Variants in GOT2 observed in about 807,000 individuals in gnomAD.
GOT2 encodes the protein aspartate aminotransferase, mitochondrial.
In GOT2, 17 loss-of-function variants were observed where a neutral mutation model predicts 50.0. The observed-to-expected ratio is 0.34, with a 90% CI of 0.23 to 0.51. GOT2 has a LOEUF of 0.51. GOT2 is among the 20% of genes least tolerant of loss of function. The pLI, the probability that GOT2 is intolerant of heterozygous loss-of-function variation, is 0.97. For missense variants in GOT2, 430 were observed against 559.6 expected (o/e 0.77, Z 2.34); for synonymous variants, 172 against 204.9 (o/e 0.84, Z 1.37).
intron 3 of GOT2, among the ~76,000 whole-genome samples, chr16:58,719,552 G>A (rs904493752): frequency 6.6e-5 from 10 of 152,316 alleles, no homozygotes; most frequent in Non-Finnish European, 8.8e-5. Flanking sequence ...GAGGTCAGGA[G>A]TTCGAGACCA....
chr16:58,724,737 C>T (rs185060450), intron 1 of GOT2, among the ~76,000 whole-genome samples: 14 of 152,174 alleles, frequency 9.2e-5, no homozygotes, highest in South Asian at 2.1e-4. Flanking sequence ...GACGGGGTTT[C>T]GCCATGTTGG....
At chr16:58,712,551 A>G (rs2044657924) in intron 8 of GOT2, among the ~76,000 whole-genome samples, 2 of 152,288 alleles carry the variant, frequency 1.3e-5, no homozygotes, top group East Asian at 3.9e-4. Context: ...AACAACAAGA[A>G]CAAGAAAGTC....
In GOT2 at chr16:58,715,956, CTT is replaced by C. The variant is rs1404568443; in HGVS notation, c.1019+56_1019+57del. The C allele has an allele frequency of 1.4e-5, 19 of 1,384,300 alleles. No individual in the cohort carries two copies. In the African/African-American group the frequency reaches 2.2e-4, roughly 16 times the overall value. The allele number at this position is 1,384,300 out of a possible 1,614,324, so 85.8% of individuals were successfully genotyped here. ...TCACTAGAGGTCAATTAAAAACTAACTTTGAAGGAGCAGTGGTGGGAACAGGT... is the reference window on the plus strand; with the variant it reads ...TCACTAGAGGTCAATTAAAAACTAACTGAAGGAGCAGTGGTGGGAACAGGT... On this transcript the variant is annotated intron_variant, in intron 8 of 9. Transcript: ENST00000245206.
intron 1 of GOT2, among the ~76,000 whole-genome samples, chr16:58,725,693 C>A (rs191427186): frequency 5.9e-5 from 9 of 152,284 alleles, no homozygotes; most frequent in Admixed American, 5.9e-4. Context: ...AGTTGTACTG[C>A]GTGTGTTCAC....
At chr16:58,717,995 T>A (rs537245168) in intron 6 of GOT2, among the ~76,000 whole-genome samples, 1 of 152,322 alleles carries the variant, frequency 6.6e-6, no homozygotes, top group East Asian at 1.9e-4. Flanking sequence ...CCAAAAAAAA[T>A]TACTTTCAAA....
At chr16:58,713,237 AC>A (rs2044664814) in intron 8 of GOT2, among the ~76,000 whole-genome samples, 1 of 152,238 alleles carries the variant, frequency 6.6e-6, no homozygotes, top group South Asian at 2.1e-4. Flanking sequence ...TTTCCCTTTC[AC>A]AAACTTTCTG....
At chr16:58,717,888 C>T (rs1382119408) in intron 6 of GOT2, among the ~76,000 whole-genome samples, 1 of 152,160 alleles carries the variant, frequency 6.6e-6, no homozygotes, top group African/African-American at 2.4e-5. Context: ...CGGGGTTTCA[C>T]CATGTTGGCC....
At chr16:58,716,559 GACAC>G (rs3075037) in intron 7 of GOT2, 100 bp downstream of exon 7, 279,996 of 716,930 alleles carry the variant, frequency 0.39, 25,406 homozygotes, top group Middle Eastern at 0.48. Context: ...GACATGGATG[GACAC>G]ACACACACAC....
rs758954750 is a variant in GOT2, at chr16:58,709,456, T to G, written c.1131A>C (p.Gln377His). 8.7e-6 allele frequency: 14 copies of G among 1,613,424 alleles called. No individual in the cohort carries two copies. The South Asian group carries it at 1.4e-4, about 16-fold the overall frequency. ...GCCCTGTGAAACAGAACATGCCAATTTGGTCGGTGATGTGTTGCCAATTGT... is the reference window on the plus strand; with the variant it reads ...GCCCTGTGAAACAGAACATGCCAATGTGGTCGGTGATGTGTTGCCAATTGT... ...STHNWQHITDQIGMFCFTGLK... is the reference protein window; with the variant it reads ...STHNWQHITDHIGMFCFTGLK... Residue 377 changes from glutamine (Q) to histidine (H), a missense_variant, in exon 9 of 10, where the codon CAA (glutamine) becomes CAC (histidine). Coordinates refer to ENST00000245206, the MANE Select transcript of GOT2 (RefSeq NM_002080.4).
chr16:58,724,011 T>A, intron 1 of GOT2, 109 bp from the exon 2 acceptor site: 9 of 955,740 alleles, frequency 9.4e-6, no homozygotes, highest in Non-Finnish European at 1.4e-5. Flanking sequence ...TGGAGTGCAG[T>A]GGTGCTATCT....
At position 58,708,009 on chromosome 16, in the gene GOT2, A is replaced by G. The variant is rs142500293; in HGVS notation, c.*162T>C. ...GGATGCCTCTGCCCTGTGTCACTACATGTTCTTTTCTGAGAAACATTCAAA... is the reference window on the plus strand; with the variant it reads ...GGATGCCTCTGCCCTGTGTCACTACGTGTTCTTTTCTGAGAAACATTCAAA... On this transcript the variant is annotated 3_prime_UTR_variant, in exon 10 of 10. Transcript: ENST00000245206. 96 of 643,794 alleles carry G rather than the reference A, an allele frequency of 1.5e-4. No homozygotes were observed. The African/African-American group carries it at 1.6e-3, about 11-fold the overall frequency. 39.9% of individuals were successfully genotyped at this position (643,794 alleles called of 1,614,324 possible).
Position 58,716,682 on chromosome 16 carries a change from G to A in GOT2, c.834C>T (p.Ala278=). 1.2e-6 allele frequency: 2 copies of A among 1,613,758 alleles called. No individual in the cohort carries two copies. The highest frequency in any genetic ancestry group is 2.2e-5 in the South Asian group (2 of 91,052). Residue 278 remains alanine, a synonymous_variant, in exon 7 of 10, where the codon GCC becomes GCT. Coordinates refer to ENST00000245206, the MANE Select transcript of GOT2 (RefSeq NM_002080.4). ...GINVCLCQSY[A]KNMGLYGERV... ...GCTTACCATATAAGCCCATGTTCTT[G>A]GCATATGATTGGCAGAGGCAAACAT...
intron 1 of GOT2, among the ~76,000 whole-genome samples, chr16:58,728,137 GTCAATTCTCTGT>G (rs2044802463): frequency 6.6e-6 from 1 of 152,170 alleles, no homozygotes; most frequent in African/African-American, 2.4e-5. Flanking sequence ...AGTGTGTACA[GTCAATTCTCTGT>G]TATTAAAGGG....
chr16:58,719,028 T>C (rs1165824840), intron 4 of GOT2, among the ~76,000 whole-genome samples, 168 bp downstream of exon 4: 1 of 152,224 alleles, frequency 6.6e-6, no homozygotes, highest in Non-Finnish European at 1.5e-5. Context: ...TAATATATCT[T>C]TCCTGTAATT....
At chr16:58,714,707 T>TA (rs796807740) in intron 8 of GOT2, among the ~76,000 whole-genome samples, 23 of 150,044 alleles carry the variant, frequency 1.5e-4, no homozygotes, top group East Asian at 7.9e-4. Flanking sequence ...CAAGACTGTT[T>TA]AAAAAAAAAC....
At chr16:58,729,680 A>C (rs554359569) in intron 1 of GOT2, among the ~76,000 whole-genome samples, 101 of 152,240 alleles carry the variant, frequency 6.6e-4, no homozygotes, top group African/African-American at 2.3e-3. Flanking sequence ...ATAGAAACTC[A>C]GAAACCATAG....
chr16:58,722,611 C>A (rs1367441683), intron 2 of GOT2, among the ~76,000 whole-genome samples: 1 of 152,042 alleles, frequency 6.6e-6, no homozygotes, highest in Non-Finnish European at 1.5e-5. Flanking sequence ...CTCAGGTGAT[C>A]CACCTGCCTC....
chr16:58,732,192 C>G (rs1432774800), intron 1 of GOT2, among the ~76,000 whole-genome samples: 1 of 152,038 alleles, frequency 6.6e-6, no homozygotes, highest in Non-Finnish European at 1.5e-5. Context: ...GCAGTCCCAG[C>G]TACTTGGGAG....
chr16:58,729,897 T>C (rs2044819339), intron 1 of GOT2, among the ~76,000 whole-genome samples: 1 of 152,070 alleles, frequency 6.6e-6, no homozygotes. Flanking sequence ...ACAATCTAAA[T>C]ATAGGAGCAG....
Sources: gnomAD v4.1 joint callset for allele counts (sites outside exome capture counted in the v4.1 genomes callset) on GRCh38, gnomAD v4.1.1 for gene constraint, MANE v1.5 for transcripts, NCBI Gene and HGNC (gene_info 2026-07-23, HGNC 2026-07-21) for gene names.